Variants in GRIN2B observed in about 807,000 individuals in gnomAD.
The protein encoded by GRIN2B is glutamate receptor ionotropic, NMDA 2B.
A neutral mutation model predicts 114.5 loss-of-function variants in GRIN2B; 5 were observed. The ratio of observed to expected loss-of-function variants is 0.04; its 90% CI spans 0.02 to 0.09. The LOEUF (loss-of-function observed/expected upper bound fraction) is 0.09. GRIN2B is among the 10% of genes least tolerant of loss of function. GRIN2B has a pLI of 1.00. For missense variants in GRIN2B, 1,108 were observed against 1,943.5 expected (o/e 0.57, Z 8.08); for synonymous variants, 787 against 745.1 (o/e 1.06, Z -0.92).
At chr12:13,788,019 G>C (rs965955067) in intron 3 of GRIN2B, among the ~76,000 whole-genome samples, 1 of 152,170 alleles carries the variant, frequency 6.6e-6, no homozygotes, top group East Asian at 1.9e-4. Context: ...TGGAGCCCTC[G>C]TGAACCTTAA....
At chr12:13,747,060 G>A (rs909357129) in intron 4 of GRIN2B, among the ~76,000 whole-genome samples, 3 of 152,014 alleles carry the variant, frequency 2.0e-5, no homozygotes, top group Non-Finnish European at 4.4e-5. Context: ...GAACTTTATC[G>A]AAATGCAAAA....
intron 2 of GRIN2B, among the ~76,000 whole-genome samples, chr12:13,978,623 G>A (rs1371349288): frequency 6.6e-6 from 1 of 152,148 alleles, no homozygotes; most frequent in African/African-American, 2.4e-5. Context: ...TTGGGGTGGT[G>A]GTAATACTTT....
intron 5 of GRIN2B, among the ~76,000 whole-genome samples, chr12:13,643,800 A>G (rs1949740339): frequency 6.6e-6 from 1 of 152,130 alleles, no homozygotes; most frequent in Non-Finnish European, 1.5e-5. Context: ...TCATCTCAAG[A>G]AAACACTTTC....
At chr12:13,948,386 G>A (rs115594950) in intron 2 of GRIN2B, among the ~76,000 whole-genome samples, 139 of 152,316 alleles carry the variant, frequency 9.1e-4, no homozygotes, top group African/African-American at 3.2e-3. Context: ...ATGCTGAGAT[G>A]TGTTCCTTGC....
chr12:13,862,521 T>C (rs562788127), intron 3 of GRIN2B, among the ~76,000 whole-genome samples: 4 of 152,218 alleles, frequency 2.6e-5, no homozygotes, highest in African/African-American at 9.6e-5. Context: ...CCAAGCTACA[T>C]GTCTTAGATT....
At chr12:13,811,485 G>A (rs1222355373) in intron 3 of GRIN2B, among the ~76,000 whole-genome samples, 1 of 152,220 alleles carries the variant, frequency 6.6e-6, no homozygotes, top group African/African-American at 2.4e-5. Context: ...GAAGACTGAG[G>A]CAGGAGGATC....
rs1432202416 is a variant in GRIN2B at position 13,554,779 on chromosome 12, T to C, written c.*8004A>G. 6.6e-6 allele frequency: 1 copy of C among 152,178 alleles called. No individual in the cohort carries two copies. Among genetic ancestry groups the C allele is most frequent in the African/African-American group, 2.4e-5 (1 of 41,442 alleles). 9.4% of individuals were successfully genotyped at this position (152,178 alleles called of 1,614,324 possible). A position where few individuals can be genotyped will look rare whatever the true frequency, so the allele number is the denominator to read the frequency against. ...TGGAAACCTTAGGGGGAAGAATTAG[T>C]AGGCTTTTCAAATTTTTAGATATGC... On this transcript the variant is annotated 3_prime_UTR_variant, in exon 14 of 14. Coordinates refer to ENST00000609686, the MANE Select transcript of GRIN2B (RefSeq NM_000834.5).
intron 5 of GRIN2B, among the ~76,000 whole-genome samples, chr12:13,654,749 G>T (rs1949846362): frequency 1.3e-5 from 2 of 152,058 alleles, no homozygotes; most frequent in African/African-American, 4.8e-5. Flanking sequence ...AGGTGGTATT[G>T]TCCAGATAAC....
At chr12:13,619,545 T>G (rs1001888888) in intron 5 of GRIN2B, among the ~76,000 whole-genome samples, 3 of 152,220 alleles carry the variant, frequency 2.0e-5, no homozygotes, top group African/African-American at 7.2e-5. Context: ...ATCACACCCT[T>G]TCCCAACTTC....
intron 3 of GRIN2B, among the ~76,000 whole-genome samples, chr12:13,775,755 TATG>T (rs1863992224): frequency 6.6e-6 from 1 of 152,192 alleles, no homozygotes; most frequent in South Asian, 2.1e-4. Context: ...GTAGGTAAAA[TATG>T]ATATGTCATT....
At chr12:13,611,170 AT>A (rs1320613296) in intron 9 of GRIN2B, among the ~76,000 whole-genome samples, 1 of 152,164 alleles carries the variant, frequency 6.6e-6, no homozygotes, top group Non-Finnish European at 1.5e-5. Context: ...ATGAGTGAGA[AT>A]TGGTCTTTCC....
In GRIN2B at chr12:13,541,750, C is replaced by T. The variant is rs1235664382; in HGVS notation, c.*21033G>A. ...CAGCAGCAGTAGTTGTGATCTCATT[C>T]ACACCCTGTTCAGGGTTCCGTGAGG... On this transcript the variant is annotated 3_prime_UTR_variant, in exon 14 of 14. Transcript: ENST00000609686. 1 of 152,180 alleles carries T rather than the reference C, an allele frequency of 6.6e-6. No homozygotes were observed. The highest frequency in any genetic ancestry group is 1.5e-5 in the Non-Finnish European group (1 of 68,028). 9.4% of individuals were successfully genotyped at this position (152,180 alleles called of 1,614,324 possible).
chr12:13,737,797 C>T (rs117094639), intron 4 of GRIN2B, among the ~76,000 whole-genome samples: 39 of 152,322 alleles, frequency 2.6e-4, no homozygotes, highest in Admixed American at 6.5e-4. Context: ...TCATAAAGCA[C>T]TTTAACAATA....
intron 5 of GRIN2B, among the ~76,000 whole-genome samples, chr12:13,653,725 A>G (rs944540341): frequency 6.6e-6 from 1 of 152,154 alleles, no homozygotes; most frequent in South Asian, 2.1e-4. Flanking sequence ...ACACAGTACA[A>G]TATTAACTCA....
chr12:13,711,279 A>G (rs1950411691), intron 4 of GRIN2B, among the ~76,000 whole-genome samples: 1 of 151,998 alleles, frequency 6.6e-6, no homozygotes, highest in African/African-American at 2.4e-5. Flanking sequence ...AAAACCCTAG[A>G]AGAAAACCTA....
intron 5 of GRIN2B, among the ~76,000 whole-genome samples, chr12:13,643,723 T>C (rs892178618): frequency 6.6e-6 from 1 of 152,182 alleles, no homozygotes; most frequent in Non-Finnish European, 1.5e-5. Context: ...CAACTAAGTT[T>C]ATGTAATATT....
At chr12:13,595,919 G>T (rs1170723997) in intron 10 of GRIN2B, among the ~76,000 whole-genome samples, 2 of 152,026 alleles carry the variant, frequency 1.3e-5, no homozygotes, top group African/African-American at 4.8e-5. Context: ...AACCACATCT[G>T]TACCCTATGT....
rs113037151 is a variant in GRIN2B, at chr12:13,626,154, C to T, written c.1126-9497G>A. 5.3e-3 allele frequency among the ~76,000 whole-genome samples: 800 copies of T among 152,270 alleles called. 7 individuals are homozygous for T. The highest frequency in any genetic ancestry group is 0.018 in the African/African-American group (755 of 41,534). ...TTGATGTGCCTTCCTCCAATGAAGA[C>T]CTGTCTTCTGGAACAACAAAACTGG... On this transcript the variant is annotated intron_variant, in intron 5 of 13. Transcript: ENST00000609686.
At chr12:13,610,994 T>C (rs796363164) in intron 9 of GRIN2B, among the ~76,000 whole-genome samples, 4 of 152,328 alleles carry the variant, frequency 2.6e-5, no homozygotes, top group African/African-American at 9.6e-5. Flanking sequence ...TTCTTAATCC[T>C]GGGGTTCTCA....
Sources: gnomAD v4.1 joint callset for allele counts (sites outside exome capture counted in the v4.1 genomes callset) on GRCh38, gnomAD v4.1.1 for gene constraint, MANE v1.5 for transcripts, NCBI Gene and HGNC (gene_info 2026-07-23, HGNC 2026-07-21) for gene names.